SI: variants seen among roughly 807,000 people sequenced by gnomAD.
SI encodes the protein sucrase-isomaltase.
SI carries 235 observed loss-of-function variants against 253.3 expected under a neutral mutation model. That is an observed-to-expected ratio of 0.93 (90% confidence interval 0.83 to 1.03). SI has a LOEUF of 1.03. Ranked by LOEUF, SI falls within the 50% of genes least tolerant of loss-of-function variation. The pLI, the probability that SI is intolerant of heterozygous loss-of-function variation, is 0.00. For missense variants in SI, 2,442 were observed against 2,211.1 expected (o/e 1.10, Z -2.09); for synonymous variants, 819 against 712.0 (o/e 1.15, Z -2.39).
intron 5 of SI, among the ~76,000 whole-genome samples, chr3:165,068,058 T>C (rs1714339617): frequency 6.6e-6 from 1 of 151,780 alleles, no homozygotes; most frequent in South Asian, 2.1e-4. Flanking sequence ...GTAAACTACG[T>C]GCTAAAAAAA....
At chr3:164,996,389 A>G (rs1718008355) in intron 40 of SI, 146 bp downstream of exon 40, 2 of 617,868 alleles carry the variant, frequency 3.2e-6, no homozygotes, top group Non-Finnish European at 2.9e-6. Flanking sequence ...ATACTCAAAA[A>G]AAGTTCCTCC....
chr3:165,065,170 A>T (rs917485370), intron 7 of SI, 91 bp downstream of exon 7: 2 of 817,588 alleles, frequency 2.4e-6, no homozygotes, highest in Non-Finnish European at 4.1e-6. Context: ...TTAGTTGATC[A>T]GTTAAAATAA....
rs1313704139 is a variant in SI at position 164,987,176 on chromosome 3, G to A, written c.5159C>T (p.Ala1720Val). 6.2e-7 allele frequency: 1 copy of A among 1,613,590 alleles called. No homozygotes were observed. Among genetic ancestry groups the A allele is most frequent in the Non-Finnish European group, 8.5e-7 (1 of 1,179,718 alleles). The change falls in exon 45 of 48, where the codon GCA (alanine) becomes GTA (valine). Residue 1720 changes from alanine (A) to valine (V), a missense_variant. Physicochemically the swap from Ala to Val is moderately conservative, Grantham distance 64. Coordinates refer to ENST00000264382, the MANE Select transcript of SI (RefSeq NM_001041.4). ...ATCATCCCAAAACAGAGAACCCTGTGCCATCTGATTATCATCTGCAGCAAC... is the reference window on the plus strand; with the variant it reads ...ATCATCCCAAAACAGAGAACCCTGTACCATCTGATTATCATCTGCAGCAAC... ...LIVAADDNQM[A>V]QGSLFWDDGE...
At chr3:165,033,592 T>G in intron 22 of SI, 148 bp from the exon 23 acceptor site, 2 of 699,718 alleles carry the variant, frequency 2.9e-6, no homozygotes, top group Non-Finnish European at 2.0e-6. Flanking sequence ...TTTAAATTTT[T>G]TAATTGTCTC....
chr3:165,011,397 C>T (rs1271870620), intron 34 of SI, among the ~76,000 whole-genome samples: 3 of 152,010 alleles, frequency 2.0e-5, no homozygotes, highest in Admixed American at 1.3e-4. Context: ...TTAATTTCCA[C>T]GTATTTTTGA....
At chr3:164,998,703 T>C (rs1296072246) in intron 37 of SI, 30 bp from the exon 38 acceptor site, 1 of 1,585,306 alleles carries the variant, frequency 6.3e-7, no homozygotes, top group Admixed American at 1.7e-5. Context: ...TTTTTGAGTT[T>C]TTACATGAGA....
the SI span, among the ~76,000 whole-genome samples, chr3:165,086,306 T>C: frequency 6.6e-6 from 1 of 152,044 alleles, no homozygotes; most frequent in Non-Finnish European, 1.5e-5. Flanking sequence ...ATGTCACCCA[T>C]AATACATGAA....
chr3:165,017,819 A>G lies in SI; in HGVS notation c.3575T>C (p.Leu1192Ser). 6.2e-7 allele frequency: 1 copy of G among 1,613,184 alleles called. No homozygotes were observed. The highest frequency in any genetic ancestry group is 8.5e-7 in the Non-Finnish European group (1 of 1,179,396). The change falls in exon 30 of 48, where the codon TTG (leucine) becomes TCG (serine). Residue 1192 changes from leucine to serine, a missense_variant. By Grantham distance (145) the Leu-to-Ser change is moderately radical. Transcript: ENST00000264382. ...ALTYRTVGGILDFYMFLGPTP... is the reference protein window; with the variant it reads ...ALTYRTVGGISDFYMFLGPTP... ...TGGGCCCAAAAACATATAAAAATCC[A>G]AGATCCCTCCAACTGTACGGTAAGT...
the SI span, among the ~76,000 whole-genome samples, chr3:165,085,107 G>C: frequency 2.0e-5 from 3 of 151,916 alleles, no homozygotes; most frequent in African/African-American, 7.3e-5. Context: ...CATAGACCTG[G>C]GTGTTCACCA....
intron 32 of SI, 65 bp downstream of exon 32, chr3:165,015,887 C>A: frequency 1.4e-6 from 2 of 1,396,850 alleles, no homozygotes; most frequent in Non-Finnish European, 2.0e-6. Flanking sequence ...TTCCCCCCCA[C>A]CTGCTCATTT....
Position 164,989,435 on chromosome 3 carries a change from AG to A in SI, c.5108+1917del, listed in dbSNP as rs1380635375. 6.2e-5 allele frequency among the ~76,000 whole-genome samples: 9 copies of A among 145,772 alleles called. No homozygotes were observed. In the East Asian group the frequency reaches 1.0e-3, roughly 17 times the overall value. ...AAGAAAGAAAGAAAGAAAGAAAGAA[AG>A]GAAAGAAAGAAGAGAGGAGAGGAGA... On this transcript the variant is annotated intron_variant, in intron 44 of 47. Transcript: ENST00000264382.
chr3:164,991,332 C>A (rs1469625260), intron 44 of SI, 21 bp downstream of exon 44: 1 of 1,613,522 alleles, frequency 6.2e-7, no homozygotes, highest in Non-Finnish European at 8.5e-7. Flanking sequence ...TTAACCTGAG[C>A]TTTGTAAACA....
At chr3:165,070,319 T>A in intron 3 of SI, among the ~76,000 whole-genome samples, 1 of 137,160 alleles carries the variant, frequency 7.3e-6, no homozygotes, top group African/African-American at 2.8e-5. Flanking sequence ...ATACATATAT[T>A]ATATATATAA....
Position 164,990,245 on chromosome 3 carries a change from A to G in SI, c.5108+1108T>C, listed in dbSNP as rs1423781747. ...ACTGCTCTAAAAAATAAGTCTTTGAAAAACAGGTTAATAAATATTTCATGT... is the reference window on the plus strand; with the variant it reads ...ACTGCTCTAAAAAATAAGTCTTTGAGAAACAGGTTAATAAATATTTCATGT... On this transcript the variant is annotated intron_variant, in intron 44 of 47. Coordinates refer to ENST00000264382, the MANE Select transcript of SI (RefSeq NM_001041.4). Among the ~76,000 whole-genome samples, 3 of 152,248 alleles carry G rather than the reference A, an allele frequency of 2.0e-5. No individual in the cohort carries two copies. In the East Asian group the frequency reaches 5.8e-4, roughly 29 times the overall value.
Position 164,982,379 on chromosome 3 carries a change from C to T in SI, c.5279G>A (p.Gly1760Asp), listed in dbSNP as rs145556619. Reference protein sequence around the residue: ...TTLTSTILKRGYINKSETRLG... With the variant: ...TTLTSTILKRDYINKSETRLG... ...CCTCGTTTCACTTTTATTTATGTAACCTCTCTTCAATATAGTGCTTGTTAA... is the reference window on the plus strand; with the variant it reads ...CCTCGTTTCACTTTTATTTATGTAATCTCTCTTCAATATAGTGCTTGTTAA... Residue 1760 changes from glycine to aspartate, a missense_variant, in exon 47 of 48, where the codon GGT (glycine) becomes GAT (aspartate). Physicochemically the swap from Gly to Asp is moderately conservative, Grantham distance 94. Coordinates refer to ENST00000264382, the MANE Select transcript of SI (RefSeq NM_001041.4). The T allele has an allele frequency of 2.5e-4, 407 of 1,612,042 alleles. 1 individual carries two copies. Among genetic ancestry groups the T allele is most frequent in the Non-Finnish European group, 3.2e-4 (376 of 1,178,666 alleles).
intron 35 of SI, 39 bp downstream of exon 35, chr3:165,009,240 T>C (rs374589107): frequency 1.4e-5 from 19 of 1,363,674 alleles, no homozygotes; most frequent in Non-Finnish European, 2.0e-5. Context: ...CACTGCACAA[T>C]AAATAACTTA....
intron 33 of SI, among the ~76,000 whole-genome samples, chr3:165,013,899 A>T (rs964622184): frequency 2.0e-5 from 3 of 151,486 alleles, no homozygotes; most frequent in Non-Finnish European, 4.4e-5. Flanking sequence ...GCTAATTTTT[A>T]AATTTTTTGT....
At chr3:164,996,922 T>C in intron 38 of SI, 150 bp from the exon 39 acceptor site, 1 of 472,900 alleles carries the variant, frequency 2.1e-6, no homozygotes, top group South Asian at 3.2e-5. Context: ...TATCTCATAA[T>C]GCTTCTCATA....
At chr3:165,038,060 A>G (rs757054068) in intron 20 of SI, 36 bp from the exon 21 acceptor site, 20 of 1,552,898 alleles carry the variant, frequency 1.3e-5, no homozygotes, top group Non-Finnish European at 1.7e-5. Flanking sequence ...TCTTAATATT[A>G]TTGAAGACTT....
Sources: allele counts gnomAD v4.1 joint callset (sites outside exome capture counted in the v4.1 genomes callset), GRCh38; gene constraint gnomAD v4.1.1; transcripts MANE v1.5; gene names NCBI Gene and HGNC (gene_info 2026-07-23, HGNC 2026-07-21).